The following RUNX2 variants were observed in gnomAD, a reference collection of about 807,000 sequenced individuals.
RUNX2 encodes the protein runt-related transcription factor 2.
RUNX2 carries 10 observed loss-of-function variants against 51.7 expected under a neutral mutation model. The ratio of observed to expected loss-of-function variants is 0.19; its 90% CI spans 0.12 to 0.33. The LOEUF is 0.33. Ranked by LOEUF, RUNX2 falls within the 10% of genes least tolerant of loss-of-function variation. The pLI, the probability that RUNX2 is intolerant of heterozygous loss-of-function variation, is 1.00. For synonymous variants in RUNX2, 276 were observed against 273.6 expected (o/e 1.01, Z -0.09); for missense variants, 562 against 691.3 (o/e 0.81, Z 2.10).
chr6:45,438,195 GA>G, intron 5 of RUNX2, 144 bp downstream of exon 5: 1 of 640,004 alleles, frequency 1.6e-6, no homozygotes. Context: ...TTTAGTGAGG[GA>G]GAGTTAGTCA....
In RUNX2 at chr6:45,340,488, TA is replaced by T. The variant is rs753639690; in HGVS notation, c.58+11706del. On this transcript the variant is annotated intron_variant, in intron 2 of 8. Transcript: ENST00000647337. ...ACAGGCACGCACCACCACGCCCAGA[TA>T]ATTTTGTAATTTTTTGTAGAGACAG... Among the ~76,000 whole-genome samples the T allele has an allele frequency of 6.4e-4, 98 of 152,082 alleles. 1 individual carries two copies. Among genetic ancestry groups the T allele is most frequent in the South Asian group, 5.4e-3 (26 of 4,820 alleles).
intron 2 of RUNX2, among the ~76,000 whole-genome samples, chr6:45,341,812 TG>T (rs1482632493): frequency 6.6e-6 from 1 of 152,170 alleles, no homozygotes; most frequent in Non-Finnish European, 1.5e-5. Context: ...AAATTAAAAA[TG>T]ACACACTAAG....
At chr6:45,437,815 G>A in intron 4 of RUNX2, 132 bp from the exon 5 acceptor site, 3 of 742,890 alleles carry the variant, frequency 4.0e-6, no homozygotes, top group Non-Finnish European at 7.3e-6. Context: ...AGAAGAAGGA[G>A]TCCTGCCTCT....
chr6:45,329,211 A>G (rs1249222876), intron 2 of RUNX2, among the ~76,000 whole-genome samples: 1 of 152,012 alleles, frequency 6.6e-6, no homozygotes, highest in African/African-American at 2.4e-5. Flanking sequence ...ACAAAATAAC[A>G]GACCACAGAA....
At chr6:45,372,012 A>T in intron 2 of RUNX2, 2 of 941,732 alleles carry the variant, frequency 2.1e-6, no homozygotes, top group Non-Finnish European at 2.5e-6. Flanking sequence ...TCTACTATAC[A>T]TCAAAGAATA....
Position 45,373,819 on chromosome 6 carries a change from CT to C in RUNX2, c.58+45036del, listed in dbSNP as rs373584336. On this transcript the variant is annotated intron_variant, in intron 2 of 8. Transcript: ENST00000647337. ...CCACCCATCTCAGCCTCCCAAAGTG[CT>C]GGGATTACAGGTGTGAGCCACCACA... Among the ~76,000 whole-genome samples the C allele has an allele frequency of 6.3e-3, 955 of 152,282 alleles. 17 individuals carry two copies. Among genetic ancestry groups the C allele is most frequent in the African/African-American group, 0.022 (904 of 41,542 alleles).
chr6:45,346,035 T>C (rs1410021378), intron 2 of RUNX2, among the ~76,000 whole-genome samples: 2 of 152,136 alleles, frequency 1.3e-5, no homozygotes, highest in Non-Finnish European at 2.9e-5. Context: ...TTGCCTATCC[T>C]TGAAGAAAAA....
intron 4 of RUNX2, among the ~76,000 whole-genome samples, chr6:45,433,215 C>A (rs1798592365): frequency 6.6e-6 from 1 of 152,122 alleles, no homozygotes; most frequent in African/African-American, 2.4e-5. Flanking sequence ...AGGCTCACAG[C>A]CTCCGGTAGA....
At chr6:45,381,738 A>G (rs1191446683) in intron 2 of RUNX2, among the ~76,000 whole-genome samples, 1 of 152,178 alleles carries the variant, frequency 6.6e-6, no homozygotes, top group Non-Finnish European at 1.5e-5. Context: ...CTGATGTTAC[A>G]CATTTCAAAA....
intron 3 of RUNX2, among the ~76,000 whole-genome samples, chr6:45,426,491 C>A (rs964121029): frequency 4.6e-5 from 7 of 152,220 alleles, no homozygotes; most frequent in African/African-American, 1.7e-4. Context: ...AGCATTTCCA[C>A]TGTGAAGCCT....
intron 6 of RUNX2, among the ~76,000 whole-genome samples, chr6:45,505,526 C>A (rs1232796605): frequency 1.3e-5 from 2 of 152,048 alleles, no homozygotes; most frequent in African/African-American, 4.8e-5. Flanking sequence ...GCATAGCCAC[C>A]CCCTTTTTGT....
At chr6:45,506,446 G>T (rs559042380) in intron 6 of RUNX2, among the ~76,000 whole-genome samples, 1 of 152,314 alleles carries the variant, frequency 6.6e-6, no homozygotes, top group African/African-American at 2.4e-5. Context: ...TAGTGCCTCA[G>T]ATTTCCCAAG....
intron 2 of RUNX2, among the ~76,000 whole-genome samples, chr6:45,368,539 G>A (rs1795528932): frequency 6.6e-6 from 1 of 151,992 alleles, no homozygotes; most frequent in African/African-American, 2.4e-5. Context: ...ATATTTTGGG[G>A]GACTAAATGA....
chr6:45,518,027 A>G (rs901606282), intron 7 of RUNX2, among the ~76,000 whole-genome samples: 2 of 152,226 alleles, frequency 1.3e-5, no homozygotes, highest in Admixed American at 6.5e-5. Flanking sequence ...GCCTTAAGAA[A>G]GGTTAAAAGG....
intron 7 of RUNX2, among the ~76,000 whole-genome samples, chr6:45,521,100 T>A (rs1801494482): frequency 6.6e-6 from 1 of 152,372 alleles, no homozygotes; most frequent in Non-Finnish European, 1.5e-5. Context: ...GTTTTGCATA[T>A]TCTTGAATCC....
At chr6:45,366,973 A>G (rs1013470371) in intron 2 of RUNX2, among the ~76,000 whole-genome samples, 3 of 152,182 alleles carry the variant, frequency 2.0e-5, no homozygotes, top group Non-Finnish European at 4.4e-5. Context: ...TCCTGTGGGT[A>G]ATGATAAAAT....
chr6:45,516,169 A>G (rs1293528911), intron 7 of RUNX2, among the ~76,000 whole-genome samples: 1 of 152,214 alleles, frequency 6.6e-6, no homozygotes, highest in African/African-American at 2.4e-5. Flanking sequence ...TATAAACAAA[A>G]TAAGATAAAA....
chr6:45,514,778 T>C (rs1801267862), intron 7 of RUNX2, among the ~76,000 whole-genome samples: 1 of 152,120 alleles, frequency 6.6e-6, no homozygotes, highest in African/African-American at 2.4e-5. Flanking sequence ...GGACTAGTCC[T>C]GGGAGCCTTC....
At chr6:45,405,717 G>A (rs1481858081) in intron 2 of RUNX2, among the ~76,000 whole-genome samples, 3 of 152,026 alleles carry the variant, frequency 2.0e-5, no homozygotes, top group African/African-American at 4.8e-5. Flanking sequence ...AACCCAGGAG[G>A]CAGAGGTTGC....
Sources: gnomAD v4.1 joint callset for allele counts (sites outside exome capture counted in the v4.1 genomes callset) on GRCh38, gnomAD v4.1.1 for gene constraint, MANE v1.5 for transcripts, NCBI Gene and HGNC (gene_info 2026-07-23, HGNC 2026-07-21) for gene names.